The following OR52N4 variants were observed in gnomAD, a reference collection of about 807,000 sequenced individuals.
The protein encoded by OR52N4 is olfactory receptor 52N4.
In OR52N4, 15 loss-of-function variants were observed where a neutral mutation model predicts 15.0. The observed-to-expected ratio is 1.00, with a 90% CI of 0.67 to 1.54. The LOEUF (loss-of-function observed/expected upper bound fraction) is 1.54. Ranked by LOEUF, OR52N4 falls within the 40% of genes most tolerant of loss-of-function variation. OR52N4 has a pLI of 0.00. For synonymous variants in OR52N4, 143 were observed against 143.7 expected, an observed-to-expected ratio of 1.00 and a Z score of 0.03; for missense variants, 421 against 394.0, an observed-to-expected ratio of 1.07 and a Z score of -0.58.
chr11:5,746,606 A>C, the OR52N4 span, among the ~76,000 whole-genome samples: 1 of 152,190 alleles, frequency 6.6e-6, no homozygotes, highest in Non-Finnish European at 1.5e-5. Flanking sequence ...AACCACAATG[A>C]GATATTGTCT....
At chr11:5,728,572 C>T in the OR52N4 span, among the ~76,000 whole-genome samples, 7 of 152,090 alleles carry the variant, frequency 4.6e-5, no homozygotes, top group Non-Finnish European at 7.4e-5. Flanking sequence ...GCTTGTCATC[C>T]GCTTATATGC....
Position 5,755,057 on chromosome 11 carries a change from C to G in OR52N4, c.317C>G (p.Thr106Ser), listed in dbSNP as rs7936512. The G allele has an allele frequency of 7.3e-5, 118 of 1,613,986 alleles. No individual in the cohort carries two copies. In the South Asian group the frequency reaches 9.8e-4, roughly 13 times the overall value. ...GAATGCCTTGTCCAGATGTTCTTCA[C>G]CCACACCTTCACAGGGATGGAGTCT... ...FDECLVQMFF[T>S]HTFTGMESGV... is the part of the protein sequence containing the mutation. Residue 106 changes from threonine (T) to serine (S), a missense_variant, in exon 2 of 2, where the codon ACC (threonine) becomes AGC (serine). Coordinates refer to ENST00000641350, the MANE Select transcript of OR52N4 (RefSeq NM_001005175.5).
At chr11:5,749,167 C>G in the OR52N4 span, among the ~76,000 whole-genome samples, 1 of 151,782 alleles carries the variant, frequency 6.6e-6, no homozygotes, top group African/African-American at 2.4e-5. Context: ...TTGTTAACAC[C>G]TGGAGTAGAT....
In OR52N4 at chr11:5,754,882, C is replaced by T. The variant is rs752647270; in HGVS notation, c.142C>T (p.Leu48Phe). Residue 48 changes from leucine to phenylalanine, a missense_variant, in exon 2 of 2, where the codon CTC (leucine) becomes TTC (phenylalanine). Leu to Phe is a conservative substitution (Grantham distance 22, BLOSUM62 0). Transcript: ENST00000641350. Reference sequence around the variant, plus strand: ...GGCTATGGTAGGGAATTGTGGACTCCTCTACCTCATTCACTATGAGGATGC... The same window carrying T: ...GGCTATGGTAGGGAATTGTGGACTCTTCTACCTCATTCACTATGAGGATGC... Reference protein sequence around the residue: ...VVAMVGNCGLLYLIHYEDALH... With the variant: ...VVAMVGNCGLFYLIHYEDALH... 6.2e-6 allele frequency: 10 copies of T among 1,613,820 alleles called. No homozygotes were observed. The Admixed American group carries it at 1.3e-4, about 22-fold the overall frequency.
At chr11:5,734,428 C>T in the OR52N4 span, among the ~76,000 whole-genome samples, 1 of 152,068 alleles carries the variant, frequency 6.6e-6, no homozygotes, top group African/African-American at 2.4e-5. Flanking sequence ...TTAAGGCTCA[C>T]ATGGTGCACT....
At chr11:5,748,218 T>G in the OR52N4 span, among the ~76,000 whole-genome samples, 8 of 152,046 alleles carry the variant, frequency 5.3e-5, no homozygotes, top group African/African-American at 1.7e-4. Flanking sequence ...ATATAGTTAA[T>G]GCATAGCAAT....
chr11:5,730,578 T>C, the OR52N4 span, among the ~76,000 whole-genome samples: 2 of 152,040 alleles, frequency 1.3e-5, no homozygotes, highest in East Asian at 1.9e-4. Flanking sequence ...ATTTCTATGA[T>C]CCCACACAAT....
chr11:5,738,863 A>G, the OR52N4 span, among the ~76,000 whole-genome samples: 2 of 131,474 alleles, frequency 1.5e-5, 1 homozygote, highest in Non-Finnish European at 3.4e-5. Context: ...CTTTCCATTA[A>G]ACACATGCTC....
At chr11:5,747,144 T>C in the OR52N4 span, among the ~76,000 whole-genome samples, 7 of 147,310 alleles carry the variant, frequency 4.8e-5, 1 homozygote, top group Admixed American at 1.4e-4. Flanking sequence ...GTCCCAGCTA[T>C]TGGGGAAGCT....
At chr11:5,731,685 A>T in the OR52N4 span, among the ~76,000 whole-genome samples, 1 of 152,078 alleles carries the variant, frequency 6.6e-6, no homozygotes, top group African/African-American at 2.4e-5. Flanking sequence ...CATTCTTCCA[A>T]TTTGAGGTAG....
the OR52N4 span, among the ~76,000 whole-genome samples, chr11:5,731,492 A>G: frequency 2.6e-5 from 4 of 152,208 alleles, no homozygotes; most frequent in Non-Finnish European, 5.9e-5. Flanking sequence ...TTTTCTCTAC[A>G]TTAAAAATAA....
the OR52N4 span, among the ~76,000 whole-genome samples, chr11:5,735,324 T>C: frequency 7.9e-5 from 12 of 152,180 alleles, no homozygotes; most frequent in South Asian, 2.3e-3. Flanking sequence ...TTGAGTCATA[T>C]CTGAGAGTGT....
chr11:5,745,839 C>T, the OR52N4 span, among the ~76,000 whole-genome samples: 21 of 152,220 alleles, frequency 1.4e-4, no homozygotes, highest in African/African-American at 4.8e-4. Context: ...GGTAACATCA[C>T]ATTACTTGAC....
At chr11:5,735,505 T>A in the OR52N4 span, among the ~76,000 whole-genome samples, 1 of 151,948 alleles carries the variant, frequency 6.6e-6, no homozygotes, top group Non-Finnish European at 1.5e-5. Flanking sequence ...GAAAGAATTA[T>A]GGAAAATCAG....
the OR52N4 span, among the ~76,000 whole-genome samples, chr11:5,746,734 G>A: frequency 4.7e-4 from 72 of 152,154 alleles, 1 homozygote; most frequent in Admixed American, 2.7e-3. Flanking sequence ...AAAACAGTAT[G>A]GAGATTTTTC....
chr11:5,738,652 G>A, the OR52N4 span: 3 of 151,926 alleles, frequency 2.0e-5, no homozygotes, highest in Non-Finnish European at 4.4e-5. Context: ...ACATAAGAAT[G>A]TAGGCAGCTT....
chr11:5,747,083 A>C, the OR52N4 span, among the ~76,000 whole-genome samples: 1 of 147,440 alleles, frequency 6.8e-6, no homozygotes, highest in Non-Finnish European at 1.5e-5. Flanking sequence ...ATACCAAAAA[A>C]AAAAAAAAAA....
At chr11:5,729,189 A>C in the OR52N4 span, among the ~76,000 whole-genome samples, 1 of 135,148 alleles carries the variant, frequency 7.4e-6, no homozygotes, top group Non-Finnish European at 1.5e-5. Context: ...GCATGATCTC[A>C]GCTCACTACC....
chr11:5,741,565 T>A, the OR52N4 span, among the ~76,000 whole-genome samples: 1 of 152,206 alleles, frequency 6.6e-6, no homozygotes, highest in Non-Finnish European at 1.5e-5. Context: ...GTATGTTCTA[T>A]GGAACGCCCC....
Sources: gnomAD v4.1 joint callset for allele counts (sites outside exome capture counted in the v4.1 genomes callset) on GRCh38, gnomAD v4.1.1 for gene constraint, MANE v1.5 for transcripts, NCBI Gene and HGNC (gene_info 2026-07-23, HGNC 2026-07-21) for gene names.